PALM2AKAP2: variants seen among roughly 807,000 people sequenced by gnomAD.
PALM2AKAP2 encodes PALM2-AKAP2 fusion protein.
In PALM2AKAP2, 37 loss-of-function variants were observed where a neutral mutation model predicts 71.5. That is an observed-to-expected ratio of 0.52 (90% CI 0.40 to 0.68). The LOEUF is 0.68. Among genes scored for constraint, PALM2AKAP2 ranks in the 30% least tolerant of loss-of-function variants. The pLI, the probability that PALM2AKAP2 is intolerant of heterozygous loss-of-function variation, is 0.00. For synonymous variants in PALM2AKAP2, 468 were observed against 478.8 expected (o/e 0.98, Z 0.29); for missense variants, 1,224 against 1,191.8 (o/e 1.03, Z -0.40).
At chr9:109,707,378 C>T (rs1203022711) in intron 1 of PALM2AKAP2, among the ~76,000 whole-genome samples, 1 of 152,098 alleles carries the variant, frequency 6.6e-6, no homozygotes, top group South Asian at 2.1e-4. Flanking sequence ...CCCCACCCTG[C>T]CCCAGCTTTG....
intron 1 of PALM2AKAP2, among the ~76,000 whole-genome samples, chr9:109,753,241 T>TA (rs1349624311): frequency 2.0e-5 from 3 of 152,136 alleles, no homozygotes; most frequent in African/African-American, 4.8e-5. Context: ...AGTTGAGTCT[T>TA]AGAGATTTTA....
chr9:109,804,021 C>T (rs976801344), intron 1 of PALM2AKAP2, among the ~76,000 whole-genome samples: 10 of 152,172 alleles, frequency 6.6e-5, no homozygotes, highest in African/African-American at 2.4e-4. Context: ...CAGGTAGCTC[C>T]AGAGAAAGAC....
intron 1 of PALM2AKAP2, among the ~76,000 whole-genome samples, chr9:110,083,168 A>G (rs1564294996): frequency 6.6e-6 from 1 of 152,122 alleles, no homozygotes; most frequent in East Asian, 1.9e-4. Flanking sequence ...CAAAAAACAA[A>G]AACAATGACT....
intron 1 of PALM2AKAP2, among the ~76,000 whole-genome samples, chr9:109,655,937 C>T (rs146523810): frequency 6.6e-6 from 1 of 152,078 alleles, no homozygotes; most frequent in East Asian, 1.9e-4. Context: ...TTCTTTTGGG[C>T]ATAAGGGTTA....
At chr9:109,976,783 C>T (rs1222641110) in intron 6 of PALM2AKAP2, among the ~76,000 whole-genome samples, 1 of 152,146 alleles carries the variant, frequency 6.6e-6, no homozygotes, top group African/African-American at 2.4e-5. Flanking sequence ...ACTCTTATTT[C>T]TGTCTGACAT....
intron 1 of PALM2AKAP2, among the ~76,000 whole-genome samples, chr9:109,646,232 G>A (rs1209242920): frequency 1.3e-5 from 2 of 152,146 alleles, no homozygotes; most frequent in African/African-American, 4.8e-5. Context: ...CTGCCCTCCT[G>A]GGTGGGTTGG....
chr9:109,854,790 T>TTTTTG (rs1296261657), intron 1 of PALM2AKAP2, among the ~76,000 whole-genome samples: 1 of 145,766 alleles, frequency 6.9e-6, no homozygotes, highest in East Asian at 2.0e-4. Context: ...TTTTTTTTTT[T>TTTTTG]AGATGGAGTC....
chr9:109,676,046 T>G (rs1310476851), intron 1 of PALM2AKAP2, among the ~76,000 whole-genome samples: 2 of 152,162 alleles, frequency 1.3e-5, no homozygotes, highest in African/African-American at 4.8e-5. Flanking sequence ...ATTGTTACCT[T>G]CTAGAAGGAA....
At chr9:109,836,608 C>A (rs571308480) in intron 1 of PALM2AKAP2, among the ~76,000 whole-genome samples, 1 of 152,164 alleles carries the variant, frequency 6.6e-6, no homozygotes, top group East Asian at 1.9e-4. Flanking sequence ...TCAAACCCAT[C>A]GCAAAGAAGC....
exon 2 of PALM2AKAP2, chr9:110,137,992 G>T (rs1215850926): frequency 6.2e-7 from 1 of 1,613,886 alleles, no homozygotes; most frequent in East Asian, 2.2e-5. Flanking sequence ...TAGCCGAGCA[G>T]GTGGATAAAG....
intron 6 of PALM2AKAP2, chr9:109,943,000 A>G: frequency 6.2e-7 from 1 of 1,614,218 alleles, no homozygotes; most frequent in Non-Finnish European, 8.5e-7. Context: ...CATGCTCTGC[A>G]AAGAAGCTAA....
chr9:109,954,053 C>T (rs752684918), intron 6 of PALM2AKAP2, among the ~76,000 whole-genome samples: 8 of 152,172 alleles, frequency 5.3e-5, no homozygotes, highest in South Asian at 4.1e-4. Flanking sequence ...AAAGGAGAAG[C>T]GGAGGGTAAA....
chr9:109,899,783 G>C (rs151184381), intron 3 of PALM2AKAP2, among the ~76,000 whole-genome samples: 68 of 152,240 alleles, frequency 4.5e-4, no homozygotes, highest in African/African-American at 1.6e-3. Flanking sequence ...ACGTTCTTCA[G>C]CTGCTCTTTA....
At position 110,010,441 on chromosome 9, in the gene PALM2AKAP2, A is replaced by ATATACATACTATATATATAATATGTAT. The variant is rs541552615; in HGVS notation, c.497-5496_497-5470dup. ...TATATAGAGATAGAATATACAATTA[A>ATATACATACTATATATATAATATGTAT]TATACATACTATATATATAATATGT... On this transcript the variant is annotated intron_variant, in intron 6 of 9. Transcript: ENST00000302798. Among the ~76,000 whole-genome samples the ATATACATACTATATATATAATATGTAT allele has an allele frequency of 1.6e-3, 240 of 148,466 alleles. 1 individual carries two copies. The highest frequency in any genetic ancestry group is 3.8e-3 in the African/African-American group (156 of 40,864).
chr9:109,876,778 C>A (rs1289241001), intron 2 of PALM2AKAP2, among the ~76,000 whole-genome samples: 24 of 152,230 alleles, frequency 1.6e-4, no homozygotes. Context: ...CCACACCCAG[C>A]CCCACTACTG....
intron 1 of PALM2AKAP2, among the ~76,000 whole-genome samples, chr9:110,129,471 G>A (rs882093): frequency 0.2 from 30,523 of 152,134 alleles, 3,169 homozygotes; most frequent in African/African-American, 0.22. Context: ...CACTTACTAG[G>A]CAGGTGATCT....
chr9:109,959,144 G>A (rs1263518603), intron 6 of PALM2AKAP2, among the ~76,000 whole-genome samples: 1 of 152,194 alleles, frequency 6.6e-6, no homozygotes, highest in Non-Finnish European at 1.5e-5. Context: ...GCAACAGGCT[G>A]ACAGTGCTTC....
chr9:109,671,744 CAT>C (rs1309900516), intron 1 of PALM2AKAP2, among the ~76,000 whole-genome samples: 3 of 152,188 alleles, frequency 2.0e-5, no homozygotes, highest in East Asian at 1.9e-4. Flanking sequence ...TATTTTTCCA[CAT>C]GTTTGCATCA....
chr9:109,923,738 G>A, exon 4 of PALM2AKAP2: 2 of 1,593,474 alleles, frequency 1.3e-6, no homozygotes, highest in Admixed American at 1.8e-5. Context: ...TTTCCAGGCT[G>A]GAGCAAGAAA....
Sources: allele counts gnomAD v4.1 joint callset (sites outside exome capture counted in the v4.1 genomes callset), GRCh38; gene constraint gnomAD v4.1.1; transcripts MANE v1.5; gene names NCBI Gene and HGNC (gene_info 2026-07-23, HGNC 2026-07-21).